The following PCSK5 variants were observed in gnomAD, a reference collection of about 807,000 sequenced individuals.
PCSK5 encodes the protein prohormone convertase 5.
A neutral mutation model predicts 233.2 loss-of-function variants in PCSK5; 129 were observed. The observed-to-expected ratio is 0.55, with a 90% CI of 0.48 to 0.64. PCSK5 has a LOEUF of 0.64. PCSK5 is among the 30% of genes least tolerant of loss of function. The probability of loss-of-function intolerance (pLI) is 0.00; values close to 1 mark genes in which losing one functional copy is unlikely to be tolerated. For synonymous variants in PCSK5, 825 were observed against 879.2 expected, an observed-to-expected ratio of 0.94 and a Z score of 1.09; for missense variants, 2,076 against 2,430.1, an observed-to-expected ratio of 0.85 and a Z score of 3.06.
chr9:76,129,620 T>C (rs1822673367), intron 9 of PCSK5, among the ~76,000 whole-genome samples: 1 of 152,126 alleles, frequency 6.6e-6, no homozygotes, highest in Admixed American at 6.6e-5. Context: ...AGATTTCAAA[T>C]TGGTCCTTGT....
intron 32 of PCSK5, among the ~76,000 whole-genome samples, chr9:76,324,798 C>G (rs1829311825): frequency 6.6e-6 from 1 of 152,122 alleles, no homozygotes; most frequent in African/African-American, 2.4e-5. Context: ...TTTCTAGAGC[C>G]CAGGATTCAC....
At chr9:76,177,312 GA>G (rs940894298) in intron 14 of PCSK5, among the ~76,000 whole-genome samples, 2 of 151,468 alleles carry the variant, frequency 1.3e-5, no homozygotes, top group African/African-American at 4.9e-5. Flanking sequence ...GAAAAGAAAA[GA>G]AAAAAAAGAA....
intron 7 of PCSK5, among the ~76,000 whole-genome samples, chr9:76,078,464 G>A (rs1587597361): frequency 1.3e-5 from 2 of 152,128 alleles, no homozygotes; most frequent in African/African-American, 4.8e-5. Context: ...TATGGTGAAA[G>A]GTAGGGGTCC....
At chr9:76,313,935 CA>C (rs1176416178) in intron 30 of PCSK5, among the ~76,000 whole-genome samples, 2 of 152,174 alleles carry the variant, frequency 1.3e-5, no homozygotes, top group African/African-American at 4.8e-5. Context: ...CCAGCAAACT[CA>C]GCCAAGTGTT....
At chr9:76,088,637 C>A (rs1831159321) in intron 7 of PCSK5, among the ~76,000 whole-genome samples, 1 of 152,078 alleles carries the variant, frequency 6.6e-6, no homozygotes, top group African/African-American at 2.4e-5. Context: ...TAATTAATTT[C>A]CCTAACCTCA....
chr9:76,154,319 C>T (rs932650832), intron 10 of PCSK5, among the ~76,000 whole-genome samples: 1 of 152,124 alleles, frequency 6.6e-6, no homozygotes, highest in African/African-American at 2.4e-5. Flanking sequence ...AAATTTATGG[C>T]CTTCATAAAG....
At chr9:76,333,283 C>T (rs1829587265) in intron 34 of PCSK5, among the ~76,000 whole-genome samples, 1 of 152,222 alleles carries the variant, frequency 6.6e-6, no homozygotes, top group Non-Finnish European at 1.5e-5. Flanking sequence ...TCTTTTTCTT[C>T]ACCTTCAGGA....
intron 30 of PCSK5, among the ~76,000 whole-genome samples, chr9:76,319,321 G>T (rs1216266965): frequency 6.8e-6 from 1 of 148,058 alleles, no homozygotes; most frequent in South Asian, 2.1e-4. Context: ...GGCACAAACT[G>T]TTTCAGTATA....
At chr9:76,171,497 C>T (rs1357530274) in intron 13 of PCSK5, among the ~76,000 whole-genome samples, 2 of 152,198 alleles carry the variant, frequency 1.3e-5, no homozygotes, top group Non-Finnish European at 2.9e-5. Flanking sequence ...CCACCAGACA[C>T]CAGAAATTCT....
At chr9:76,033,116 A>G (rs1828715606) in intron 5 of PCSK5, among the ~76,000 whole-genome samples, 1 of 152,216 alleles carries the variant, frequency 6.6e-6, no homozygotes, top group Non-Finnish European at 1.5e-5. Flanking sequence ...GCAGAAACCA[A>G]AATGTGTCCT....
chr9:76,087,073 A>C (rs1336604783), intron 7 of PCSK5, among the ~76,000 whole-genome samples: 18 of 151,468 alleles, frequency 1.2e-4, no homozygotes, highest in Non-Finnish European at 4.4e-5. Context: ...ATACTGTGAA[A>C]ATAAACAAAG....
chr9:76,318,318 G>C (rs1829090218), intron 30 of PCSK5, among the ~76,000 whole-genome samples: 1 of 152,140 alleles, frequency 6.6e-6, no homozygotes, highest in Non-Finnish European at 1.5e-5. Context: ...GCCTGTCGGA[G>C]GGTAGGGGGC....
At chr9:76,009,238 A>G (rs1827615831) in intron 3 of PCSK5, among the ~76,000 whole-genome samples, 1 of 152,238 alleles carries the variant, frequency 6.6e-6, no homozygotes. Context: ...ATGTGAGGAT[A>G]ACAAAAAAAA....
intron 32 of PCSK5, among the ~76,000 whole-genome samples, chr9:76,324,571 C>A (rs1829304790): frequency 6.6e-6 from 1 of 152,112 alleles, no homozygotes; most frequent in Non-Finnish European, 1.5e-5. Flanking sequence ...CCACCTTCCT[C>A]TTCATATCCT....
intron 24 of PCSK5, among the ~76,000 whole-genome samples, chr9:76,258,206 G>A (rs1264107823): frequency 2.0e-5 from 3 of 152,174 alleles, no homozygotes. Flanking sequence ...CCTCTGATAT[G>A]GACCAGAAAG....
intron 3 of PCSK5, among the ~76,000 whole-genome samples, chr9:75,992,835 G>C (rs554140628): frequency 6.6e-6 from 1 of 152,248 alleles, no homozygotes; most frequent in East Asian, 1.9e-4. Flanking sequence ...ACGCTCTCTG[G>C]GTGGTTTTTC....
chr9:76,352,208 G>A (rs1197235636), intron 36 of PCSK5, among the ~76,000 whole-genome samples: 1 of 152,106 alleles, frequency 6.6e-6, no homozygotes, highest in Non-Finnish European at 1.5e-5. Flanking sequence ...TCCCTTTTTA[G>A]ACCATATAGG....
chr9:76,149,534 C>T (rs781456761), intron 10 of PCSK5, among the ~76,000 whole-genome samples: 4 of 152,202 alleles, frequency 2.6e-5, no homozygotes, highest in East Asian at 3.9e-4. Flanking sequence ...TTTTGGCTGC[C>T]GGCTAACCAA....
chr9:76,095,802 G>T, intron 7 of PCSK5, 88 bp from the exon 8 acceptor site: 1 of 1,136,012 alleles, frequency 8.8e-7, no homozygotes, highest in African/African-American at 1.5e-5. Context: ...CACCCCACCT[G>T]CACCTACTCA....
Sources: gnomAD v4.1 joint callset for allele counts (sites outside exome capture counted in the v4.1 genomes callset) on GRCh38, gnomAD v4.1.1 for gene constraint, MANE v1.5 for transcripts, NCBI Gene and HGNC (gene_info 2026-07-23, HGNC 2026-07-21) for gene names.